Variants in FBXO33 observed in about 807,000 individuals in gnomAD.
The protein encoded by FBXO33 is F-box only protein 33.
In FBXO33, 22 loss-of-function variants were observed where a neutral mutation model predicts 46.3. The ratio of observed to expected loss-of-function variants is 0.48; its 90% CI spans 0.34 to 0.68. FBXO33 has a LOEUF of 0.68. FBXO33 is among the 30% of genes least tolerant of loss of function. The pLI is 0.01. For missense variants in FBXO33, 692 were observed against 708.8 expected, an observed-to-expected ratio of 0.98 and a Z score of 0.27; for synonymous variants, 337 against 291.3, an observed-to-expected ratio of 1.16 and a Z score of -1.60.
At chr14:39,428,358 G>A (rs1220153844) in intron 1 of FBXO33, among the ~76,000 whole-genome samples, 1 of 151,694 alleles carries the variant, frequency 6.6e-6, no homozygotes, top group African/African-American at 2.4e-5. Flanking sequence ...GGCATGCACT[G>A]CCACACCCGG....
At chr14:39,411,371 T>C (rs1362451790) in intron 1 of FBXO33, among the ~76,000 whole-genome samples, 4 of 152,076 alleles carry the variant, frequency 2.6e-5, no homozygotes, top group African/African-American at 7.2e-5. Flanking sequence ...GGCTTACAGG[T>C]GTGAGCCACT....
chr14:39,410,360 C>G (rs542149885), intron 1 of FBXO33, among the ~76,000 whole-genome samples: 114 of 152,330 alleles, frequency 7.5e-4, no homozygotes, highest in Non-Finnish European at 1.2e-3. Flanking sequence ...TATGGTGAAC[C>G]ATGCCTGCAC....
Position 39,432,112 on chromosome 14 carries a change from G to T in FBXO33, c.51C>A (p.Thr17=). 1 of 1,244,714 alleles carries T rather than the reference G, an allele frequency of 8.0e-7. No individual in the cohort carries two copies. The highest frequency in any genetic ancestry group is 3.1e-5 in the East Asian group (1 of 31,778). The allele number at this position is 1,244,714 out of a possible 1,614,324, so 77.1% of individuals were successfully genotyped here. ...GCGCCACCCGGGCGGCCCCGGCTCG[G>T]GTTCGAGCTCCCGGCGGTCGGGGCT... ...VPQPRPPGAR[T]RAGAARVARW... The change falls in exon 1 of 4, where the codon ACC becomes ACA. Residue 17 remains threonine (T), a synonymous_variant. Transcript: ENST00000298097.
At chr14:39,414,303 G>T (rs2075437466) in intron 1 of FBXO33, among the ~76,000 whole-genome samples, 1 of 152,202 alleles carries the variant, frequency 6.6e-6, no homozygotes. Context: ...AGCCTTCACA[G>T]ACTTGAAGAG....
chr14:39,418,298 C>T (rs1255467012), intron 1 of FBXO33, among the ~76,000 whole-genome samples: 3 of 150,608 alleles, frequency 2.0e-5, no homozygotes, highest in African/African-American at 7.3e-5. Context: ...CTCCTGACCT[C>T]GTGATCCGCC....
At position 39,431,672 on chromosome 14, in the gene FBXO33, G is replaced by C. The variant is rs755922429; in HGVS notation, c.491C>G (p.Thr164Ser). 1.9e-6 allele frequency: 3 copies of C among 1,613,528 alleles called. No homozygotes were observed. The highest frequency in any genetic ancestry group is 2.5e-6 in the Non-Finnish European group (3 of 1,179,992). The change falls in exon 1 of 4, where the codon ACT becomes AGT. Residue 164 changes from threonine (T) to serine (S), a missense_variant. Transcript: ENST00000298097. The part of the protein sequence containing the change: ...PGDGGGADTG[T>S]GGEEVEALQL... ...CAGGGCCTCGACTTCCTCCCCTCCA[G>C]TCCCGGTGTCCGCGCCACCTCCGTC...
chr14:39,399,834 T>G (rs780686690), intron 3 of FBXO33, 47 bp from the exon 4 acceptor site: 1 of 1,472,772 alleles, frequency 6.8e-7, no homozygotes, highest in Non-Finnish European at 9.1e-7. Context: ...TGCATTTCCT[T>G]TTCTCTTTGG....
At chr14:39,402,770 C>T (rs2075374795) in intron 1 of FBXO33, among the ~76,000 whole-genome samples, 1 of 151,336 alleles carries the variant, frequency 6.6e-6, no homozygotes, top group South Asian at 2.1e-4. Flanking sequence ...GCAGGCTCCG[C>T]CTCCCGGGTT....
intron 1 of FBXO33, among the ~76,000 whole-genome samples, chr14:39,413,540 G>A (rs755380525): frequency 7.8e-4 from 118 of 152,230 alleles, no homozygotes; most frequent in Non-Finnish European, 1.2e-3. Context: ...TGGGTGAATC[G>A]TTTTTATAAG....
chr14:39,426,603 C>A (rs530953533), intron 1 of FBXO33, among the ~76,000 whole-genome samples: 1 of 152,292 alleles, frequency 6.6e-6, no homozygotes, highest in Non-Finnish European at 1.5e-5. Flanking sequence ...TCTCAGAACT[C>A]ATCATGGCAT....
At chr14:39,431,437 C>T (rs2075548961) in intron 1 of FBXO33, 127 bp downstream of exon 1, 2 of 1,502,166 alleles carry the variant, frequency 1.3e-6, no homozygotes, top group Non-Finnish European at 1.8e-6. Flanking sequence ...AGAACCAACA[C>T]TCTCCGTCAC....
At chr14:39,418,379 T>C (rs949365201) in intron 1 of FBXO33, among the ~76,000 whole-genome samples, 1 of 151,864 alleles carries the variant, frequency 6.6e-6, no homozygotes. Context: ...TTTCTATTAT[T>C]ACAAGCACAT....
At chr14:39,418,730 G>C (rs1279837126) in intron 1 of FBXO33, among the ~76,000 whole-genome samples, 3 of 147,886 alleles carry the variant, frequency 2.0e-5, no homozygotes, top group Non-Finnish European at 4.4e-5. Context: ...AGCCGAGATC[G>C]CGCCACTGCA....
At chr14:39,404,412 C>T (rs142312985) in intron 1 of FBXO33, among the ~76,000 whole-genome samples, 13 of 152,154 alleles carry the variant, frequency 8.5e-5, no homozygotes, top group African/African-American at 1.2e-4. Context: ...CTGCAAGCTC[C>T]GCCTCCCGGG....
intron 1 of FBXO33, among the ~76,000 whole-genome samples, chr14:39,421,843 C>A (rs2075486514): frequency 6.6e-6 from 1 of 150,536 alleles, no homozygotes; most frequent in Admixed American, 6.6e-5. Context: ...TAAGAATAAC[C>A]AAAAAGGGGA....
At position 39,412,868 on chromosome 14, in the gene FBXO33, G is replaced by A. The variant is rs75714408; in HGVS notation, c.600-10357C>T. The stretch of plus-strand genomic sequence containing the variant: ...CTAAAAAAGCAATACATATACCTTA[G>A]GTAAAAAACACTTTATTGCTAAAAA... On this transcript the variant is annotated intron_variant, in intron 1 of 3. Coordinates refer to ENST00000298097, the MANE Select transcript of FBXO33 (RefSeq NM_203301.4). Among the ~76,000 whole-genome samples the A allele has an allele frequency of 8.8e-3, 1,345 of 152,274 alleles. 15 individuals carry two copies. Among genetic ancestry groups the A allele is most frequent in the African/African-American group, 0.03 (1,238 of 41,562 alleles).
At position 39,399,320 on chromosome 14, in the gene FBXO33, A is replaced by AT; in HGVS notation, c.*195dup. Reference sequence around the variant, plus strand: ...CAAGTCCATTAACCGTGAAAGCCCTATACATTGTCACTTTGAACTTCTAAA... The same window carrying AT: ...CAAGTCCATTAACCGTGAAAGCCCTATTACATTGTCACTTTGAACTTCTAAA... On this transcript the variant is annotated 3_prime_UTR_variant, in exon 4 of 4. Transcript: ENST00000298097. The AT allele has an allele frequency of 4.2e-6, 2 of 481,648 alleles. No individual in the cohort carries two copies. Among genetic ancestry groups the AT allele is most frequent in the Non-Finnish European group, 7.3e-6 (2 of 275,292 alleles). 29.8% of individuals were successfully genotyped at this position (481,648 alleles called of 1,614,324 possible). A position where few individuals can be genotyped will look rare whatever the true frequency, so the allele number is the denominator to read the frequency against.
intron 1 of FBXO33, among the ~76,000 whole-genome samples, chr14:39,427,147 AC>A (rs1567079472): frequency 6.6e-6 from 1 of 152,136 alleles, no homozygotes; most frequent in Non-Finnish European, 1.5e-5. Context: ...GCTGCTTAAC[AC>A]CCTCATTTAA....
At chr14:39,426,929 C>T (rs1437288143) in intron 1 of FBXO33, among the ~76,000 whole-genome samples, 2 of 152,308 alleles carry the variant, frequency 1.3e-5, no homozygotes, top group East Asian at 1.9e-4. Context: ...TGTCTTCCTT[C>T]CTCCTCTAGA....
Sources: allele counts gnomAD v4.1 joint callset (sites outside exome capture counted in the v4.1 genomes callset), GRCh38; gene constraint gnomAD v4.1.1; transcripts MANE v1.5; gene names NCBI Gene and HGNC (gene_info 2026-07-23, HGNC 2026-07-21).